Variants in MROH2B observed in about 807,000 individuals in gnomAD.
MROH2B encodes the protein maestro heat-like repeat-containing protein family member 2B.
In MROH2B, 177 loss-of-function variants were observed where a neutral mutation model predicts 208.6. The ratio of observed to expected loss-of-function variants is 0.85; its 90% CI spans 0.75 to 0.96. MROH2B has a LOEUF of 0.96. Ranked by LOEUF, MROH2B falls within the 40% of genes least tolerant of loss-of-function variation. The probability of loss-of-function intolerance (pLI) is 0.00; values close to 1 mark genes in which losing one functional copy is unlikely to be tolerated. For synonymous variants in MROH2B, 728 were observed against 659.0 expected (o/e 1.10, Z -1.60); for missense variants, 2,002 against 1,878.7 (o/e 1.07, Z -1.21).
At position 40,998,274 on chromosome 5, in the gene MROH2B, A is replaced by T. The variant is rs1212523950; in HGVS notation, c.4652-116T>A. Reference sequence around the variant, plus strand: ...TGAGGGTCAGACCCAAGTGGGGCTCAGGTCCTCATGCTCACATTTTATCCT... The same window carrying T: ...TGAGGGTCAGACCCAAGTGGGGCTCTGGTCCTCATGCTCACATTTTATCCT... On this transcript the variant is annotated intron_variant, in intron 41 of 41. Transcript: ENST00000399564. 4 of 722,222 alleles carry T rather than the reference A, an allele frequency of 5.5e-6. No individual in the cohort carries two copies. In the Admixed American group the frequency reaches 7.0e-5, roughly 13 times the overall value. 44.7% of individuals were successfully genotyped at this position (722,222 alleles called of 1,614,324 possible). A position where few individuals can be genotyped will look rare whatever the true frequency, so the allele number is the denominator to read the frequency against.
intron 21 of MROH2B, among the ~76,000 whole-genome samples, chr5:41,037,003 C>A (rs779928628): frequency 1.6e-4 from 25 of 152,054 alleles, no homozygotes; most frequent in Non-Finnish European, 3.5e-4. Flanking sequence ...GTATAGTAAT[C>A]TTTATTTTAA....
intron 15 of MROH2B, 95 bp downstream of exon 15, chr5:41,049,006 G>T: frequency 8.4e-7 from 1 of 1,190,446 alleles, no homozygotes; most frequent in Non-Finnish European, 1.2e-6. Context: ...TTTTTGTTTG[G>T]AGTATCTATG....
rs981066022 is a variant in MROH2B, at chr5:41,061,462, C to A, written c.615+108G>T. 1.3e-5 allele frequency: 13 copies of A among 965,440 alleles called. 1 individual carries two copies. The highest frequency in any genetic ancestry group is 1.9e-5 in the Non-Finnish European group (13 of 693,142). 59.8% of individuals were successfully genotyped at this position (965,440 alleles called of 1,614,324 possible). ...AATTGATAAATCTCATAAAATACAA[C>A]CAATGGCTTCCAAAAATACTGAGCC... On this transcript the variant is annotated intron_variant, in intron 6 of 41. Transcript: ENST00000399564.
At chr5:41,054,912 G>T (rs1743397010) in intron 10 of MROH2B, 72 bp from the exon 11 acceptor site, 1 of 1,088,958 alleles carries the variant, frequency 9.2e-7, no homozygotes, top group Non-Finnish European at 1.3e-6. Context: ...TTGATGAAAA[G>T]CTATTAGAAT....
In MROH2B at chr5:41,012,570, G is replaced by A; in HGVS notation, c.3135+13C>T. The A allele has an allele frequency of 1.2e-6, 2 of 1,602,480 alleles. No homozygotes were observed. Among genetic ancestry groups the A allele is most frequent in the African/African-American group, 1.3e-5 (1 of 74,396 alleles). The stretch of plus-strand genomic sequence containing the variant: ...GAAATCTGTTCAGTTGTTAAAACTG[G>A]CTATCAGTTCACCTGATCTTCCAGA... On this transcript the variant is annotated intron_variant, in intron 30 of 41. Coordinates refer to ENST00000399564, the MANE Select transcript of MROH2B (RefSeq NM_173489.5).
rs561229673 is a variant in MROH2B, at chr5:41,005,422, C to CG, written c.3864+108_3864+109insC. 5.3e-5 allele frequency: 8 copies of CG among 151,124 alleles called. 1 individual carries two copies. Among genetic ancestry groups the CG allele is most frequent in the South Asian group, 2.1e-4 (4 of 18,990 alleles). 9.4% of individuals were successfully genotyped at this position (151,124 alleles called of 1,614,324 possible). ...GTCTCTCCTCTATGAAACCCCCCCC[C>CG]CCCTTGAAGTCTCTCTTCCCTGGTT... On this transcript the variant is annotated intron_variant, in intron 35 of 41. Transcript: ENST00000399564.
chr5:41,064,355 CTAT>C, intron 5 of MROH2B, 114 bp downstream of exon 5: 4 of 763,426 alleles, frequency 5.2e-6, no homozygotes, highest in Non-Finnish European at 8.6e-6. Context: ...TAAGTGGCAG[CTAT>C]TATTATTCAA....
intron 40 of MROH2B, 117 bp from the exon 41 acceptor site, chr5:40,998,794 C>A: frequency 5.1e-6 from 4 of 790,904 alleles, no homozygotes; most frequent in South Asian, 1.7e-5. Flanking sequence ...GGTGAATGAG[C>A]AAACTATATG....
chr5:41,001,671 C>A (rs1449905876), intron 37 of MROH2B, among the ~76,000 whole-genome samples: 3 of 151,562 alleles, frequency 2.0e-5, no homozygotes, highest in Non-Finnish European at 2.9e-5. Context: ...GAGCCAAGAT[C>A]GTGCCACTGC....
At chr5:41,032,713 T>C in intron 24 of MROH2B, 29 bp downstream of exon 24, 1 of 1,586,952 alleles carries the variant, frequency 6.3e-7, no homozygotes, top group African/African-American at 1.3e-5. Context: ...AAAATACTTT[T>C]TCAATGAAAA....
chr5:41,007,965 C>G lies in MROH2B; in HGVS notation c.3609-511G>C, dbSNP rs933636981. Among the ~76,000 whole-genome samples, 4 of 152,280 alleles carry G rather than the reference C, an allele frequency of 2.6e-5. No homozygotes were observed. The Middle Eastern group carries it at 0.01, about 388-fold the overall frequency. Reference sequence around the variant, plus strand: ...AAACAGCAATTACTTTTGCACCAACCTAATACGTGTTGACTAAACGGTGTT... The same window carrying G: ...AAACAGCAATTACTTTTGCACCAACGTAATACGTGTTGACTAAACGGTGTT... On this transcript the variant is annotated intron_variant, in intron 33 of 41. Transcript: ENST00000399564.
chr5:41,012,297 A>G (rs544911136), intron 30 of MROH2B, among the ~76,000 whole-genome samples: 25 of 152,156 alleles, frequency 1.6e-4, no homozygotes, highest in African/African-American at 5.8e-4. Flanking sequence ...ATCTCTAACA[A>G]CCCTGTTTTC....
At position 41,055,741 on chromosome 5, in the gene MROH2B, C is replaced by T. The variant is rs1743426958; in HGVS notation, c.1033+1G>A. ...ATGTTGGCTTCAACCCTCTTGCTTACCATCAGCATTGACAGCCAATCTTAA... is the reference window on the plus strand; with the variant it reads ...ATGTTGGCTTCAACCCTCTTGCTTATCATCAGCATTGACAGCCAATCTTAA... On this transcript the variant is annotated splice_donor_variant, in intron 10 of 41. Coordinates refer to ENST00000399564, the MANE Select transcript of MROH2B (RefSeq NM_173489.5). LOFTEE classifies it high-confidence loss of function. The T allele has an allele frequency of 6.2e-7, 1 of 1,611,002 alleles. No homozygotes were observed. The highest frequency in any genetic ancestry group is 1.1e-5 in the South Asian group (1 of 91,006).
At chr5:41,068,645 T>G (rs542281409) in intron 2 of MROH2B, among the ~76,000 whole-genome samples, 1 of 152,322 alleles carries the variant, frequency 6.6e-6, no homozygotes, top group Non-Finnish European at 1.5e-5. Flanking sequence ...AGGAAGTGCT[T>G]GTTAAAAATA....
chr5:40,998,564 T>C, intron 41 of MROH2B, 48 bp downstream of exon 41: 1 of 1,472,070 alleles, frequency 6.8e-7, no homozygotes, highest in Non-Finnish European at 9.3e-7. Context: ...TTTTCTCTTT[T>C]CCTAAGAATG....
At position 40,999,700 on chromosome 5, in the gene MROH2B, C is replaced by A. The variant is rs1453219919; in HGVS notation, c.4562G>T (p.Arg1521Met). 1.9e-6 allele frequency: 3 copies of A among 1,613,230 alleles called. No homozygotes were observed. The highest frequency in any genetic ancestry group is 2.5e-6 in the Non-Finnish European group (3 of 1,179,336). The change falls in exon 40 of 42, where the codon AGG (arginine) becomes ATG (methionine). Residue 1521 changes from arginine (R) to methionine (M), a missense_variant. Arg to Met is a moderately conservative substitution (Grantham distance 91). Transcript: ENST00000399564. ...ACCTGTGAGTTTGACAGCTGCACTC[C>A]TGATCACCTCCCAGGTGCTGGTGAA... ...TFFTSTWEVI[R>M]SAAVKLTDAV...
At chr5:41,047,158 G>A (rs907104536) in intron 17 of MROH2B, among the ~76,000 whole-genome samples, 2 of 152,288 alleles carry the variant, frequency 1.3e-5, no homozygotes, top group Middle Eastern at 3.4e-3. Context: ...TAAAGCCAAT[G>A]TCCACTGCCT....
Position 41,061,582 on chromosome 5 carries a change from G to A in MROH2B, c.603C>T (p.Ala201=). The stretch of plus-strand genomic sequence containing the variant: ...GAGGCCCACTCACCTGCATGGGTGA[G>A]GCCAAAGGGGCCCACTTCTCCATTA... The part of the protein sequence containing the change: ...WYIMEKWAPL[A]SPMQTLSIVK... Residue 201 remains alanine, a synonymous_variant, in exon 6 of 42, where the codon GCC becomes GCT. Coordinates refer to ENST00000399564, the MANE Select transcript of MROH2B (RefSeq NM_173489.5). The A allele has an allele frequency of 6.2e-7, 1 of 1,613,068 alleles. No homozygotes were observed. Among genetic ancestry groups the A allele is most frequent in the African/African-American group, 1.3e-5 (1 of 75,028 alleles).
At chr5:41,038,155 G>A (rs1012889873) in intron 21 of MROH2B, among the ~76,000 whole-genome samples, 5 of 152,168 alleles carry the variant, frequency 3.3e-5, no homozygotes, top group African/African-American at 1.2e-4. Flanking sequence ...ATATGTATAT[G>A]ACACTTACTA....
Sources: allele counts gnomAD v4.1 joint callset (sites outside exome capture counted in the v4.1 genomes callset), GRCh38; gene constraint gnomAD v4.1.1; transcripts MANE v1.5; gene names NCBI Gene and HGNC (gene_info 2026-07-23, HGNC 2026-07-21).